Variants in HAO2 observed in about 807,000 individuals in gnomAD.
HAO2 encodes the protein 2-Hydroxyacid oxidase 2.
A neutral mutation model predicts 37.4 loss-of-function variants in HAO2; 42 were observed. The observed-to-expected ratio is 1.12, with a 90% CI of 0.88 to 1.45. The LOEUF (loss-of-function observed/expected upper bound fraction) is 1.45. Ranked by LOEUF, HAO2 falls within the 40% of genes most tolerant of loss-of-function variation. The pLI is 0.00. For synonymous variants in HAO2, 180 were observed against 162.8 expected, an observed-to-expected ratio of 1.11 and a Z score of -0.81; for missense variants, 476 against 430.2, an observed-to-expected ratio of 1.11 and a Z score of -0.94.
chr1:119,374,135 G>A (rs587678754), intron 1 of HAO2, among the ~76,000 whole-genome samples: 1 of 152,256 alleles, frequency 6.6e-6, no homozygotes, highest in South Asian at 2.1e-4. Context: ...CTGTTCCTGG[G>A]CATCCAAATT....
Position 119,384,957 on chromosome 1 carries a change from A to G in HAO2, c.465A>G (p.Ile155Met). The change falls in exon 4 of 8, where the codon ATA becomes ATG. Residue 155 changes from isoleucine to methionine, a missense_variant. By Grantham distance (10) the Ile-to-Met change is conservative. Coordinates refer to ENST00000325945, the MANE Select transcript of HAO2 (RefSeq NM_016527.4). Reference sequence around the variant, plus strand: ...CCCTAGGTTTCAAAGCTTTGGTAATAACTTTGGATACACCTGTATGTGGCA... The same window carrying G: ...CCCTAGGTTTCAAAGCTTTGGTAATGACTTTGGATACACCTGTATGTGGCA... ...VESLGFKALV[I>M]TLDTPVCGNR... 1 of 1,613,946 alleles carries G rather than the reference A, an allele frequency of 6.2e-7. No individual in the cohort carries two copies. The highest frequency in any genetic ancestry group is 8.5e-7 in the Non-Finnish European group (1 of 1,179,844).
intron 1 of HAO2, among the ~76,000 whole-genome samples, chr1:119,371,504 A>T (rs1199555400): frequency 2.6e-5 from 4 of 152,214 alleles, no homozygotes; most frequent in African/African-American, 7.2e-5. Context: ...TATGTCCATG[A>T]CATTTTAATC....
At position 119,394,079 on chromosome 1, in the gene HAO2, A is replaced by AAGAACAATGTGGTTACAAGC; in HGVS notation, c.*239_*240insAGAACAATGTGGTTACAAGC. 1 of 1,305,794 alleles carries AAGAACAATGTGGTTACAAGC rather than the reference A, an allele frequency of 7.7e-7. No homozygotes were observed. The allele number at this position is 1,305,794 out of a possible 1,614,324, so 80.9% of individuals were successfully genotyped here. On this transcript the variant is annotated 3_prime_UTR_variant, in exon 8 of 8. Transcript: ENST00000325945. The stretch of plus-strand genomic sequence containing the variant: ...TATTATATGTTGCTCTCTTGCCTAA[A>AAGAACAATGTGGTTACAAGC]TCTTCCTCTGAAGTAAAAGATCTCA...
chr1:119,380,908 A>C (rs2224995), intron 1 of HAO2, among the ~76,000 whole-genome samples, 170 bp from the exon 2 acceptor site: 100,141 of 152,022 alleles, frequency 0.66, 33,140 homozygotes, highest in East Asian at 0.7. Context: ...TTACTCTCTG[A>C]CTTCTGGCTT....
chr1:119,381,147 C>T lies in HAO2; in HGVS notation c.62C>T (p.Thr21Ile). 1 of 1,610,022 alleles carries T rather than the reference C, an allele frequency of 6.2e-7. No individual in the cohort carries two copies. Among genetic ancestry groups the T allele is most frequent in the Non-Finnish European group, 8.5e-7 (1 of 1,176,216 alleles). Residue 21 changes from threonine to isoleucine, a missense_variant, in exon 2 of 8, where the codon ACT (threonine) becomes ATT (isoleucine). Physicochemically the swap from Thr to Ile is moderately conservative, Grantham distance 89 (BLOSUM62 -1). Transcript: ENST00000325945. ...AHAREQLSKS[T>I]RDFIEGGADD... ...GCGCGAGAGCAGCTGTCTAAGTCAA[C>T]TCGGGATTTTATTGAAGGTGGAGCA... is the stretch of plus-strand genomic sequence containing the variant.
intron 1 of HAO2, among the ~76,000 whole-genome samples, chr1:119,371,611 C>A (rs587654705): frequency 6.6e-6 from 1 of 152,098 alleles, no homozygotes; most frequent in Non-Finnish European, 1.5e-5. Flanking sequence ...CCACTGGAAT[C>A]GTGACACATT....
chr1:119,376,913 C>T (rs917038127), intron 1 of HAO2, among the ~76,000 whole-genome samples: 1 of 152,188 alleles, frequency 6.6e-6, no homozygotes, highest in Non-Finnish European at 1.5e-5. Context: ...ATGGGAGGGT[C>T]TGCAGAGAAG....
intron 1 of HAO2, among the ~76,000 whole-genome samples, chr1:119,374,394 T>C (rs1031949209): frequency 6.6e-6 from 1 of 152,194 alleles, no homozygotes; most frequent in Non-Finnish European, 1.5e-5. Context: ...GGCTATACCC[T>C]TTGTATCCAC....
chr1:119,381,961 A>G (rs1348748097), intron 2 of HAO2, among the ~76,000 whole-genome samples: 1 of 152,206 alleles, frequency 6.6e-6, no homozygotes, highest in Non-Finnish European at 1.5e-5. Flanking sequence ...AATAACTGTG[A>G]CAAAGATTAC....
At chr1:119,381,774 G>C (rs1364786618) in intron 2 of HAO2, among the ~76,000 whole-genome samples, 1 of 152,102 alleles carries the variant, frequency 6.6e-6, no homozygotes, top group African/African-American at 2.4e-5. Flanking sequence ...AGCTAACGAT[G>C]GTTTTTCATT....
chr1:119,392,735 A>G (rs1317471480), intron 7 of HAO2, 48 bp downstream of exon 7: 1 of 1,106,506 alleles, frequency 9.0e-7, no homozygotes, highest in Non-Finnish European at 1.4e-6. Flanking sequence ...CAGGATGGCT[A>G]AAGAATAGGA....
Position 119,381,192 on chromosome 1 carries a change from A to G in HAO2, c.107A>G (p.Asp36Gly). The G allele has an allele frequency of 6.2e-7, 1 of 1,611,810 alleles. No homozygotes were observed. The highest frequency in any genetic ancestry group is 1.3e-5 in the African/African-American group (1 of 74,984). ...EGGADDSITR[D>G]DNIAAFKRIR... is the part of the protein sequence containing the mutation. ...GGAGCAGATGACAGCATCACGCGGG[A>G]TGACAACATTGCAGCATTTAAAAGG... Residue 36 changes from aspartate (D) to glycine (G), a missense_variant, in exon 2 of 8, where the codon GAT (aspartate) becomes GGT (glycine). Physicochemically the swap from Asp to Gly is moderately conservative, Grantham distance 94. Transcript: ENST00000325945.
intron 1 of HAO2, chr1:119,380,649 C>A (rs747170075): frequency 2.7e-6 from 4 of 1,472,714 alleles, no homozygotes; most frequent in East Asian, 2.3e-5. Context: ...AGACAAGAGG[C>A]AGGCATGATC....
chr1:119,389,631 GATT>G (rs1164118958), intron 5 of HAO2, among the ~76,000 whole-genome samples: 1 of 137,696 alleles, frequency 7.3e-6, no homozygotes, highest in Non-Finnish European at 1.5e-5. Context: ...TTTTTGATGA[GATT>G]TTTTTTTTTT....
At chr1:119,385,437 A>G (rs1163367014) in intron 4 of HAO2, 1 of 835,830 alleles carries the variant, frequency 1.2e-6, no homozygotes, top group African/African-American at 1.8e-5. Context: ...TTTGGATGGC[A>G]TACATAGACA....
intron 1 of HAO2, chr1:119,380,748 T>C: frequency 6.6e-7 from 1 of 1,505,960 alleles, no homozygotes; most frequent in Non-Finnish European, 9.2e-7. Context: ...TAAGAATTTT[T>C]TGTAATAAGC....
intron 1 of HAO2, among the ~76,000 whole-genome samples, chr1:119,378,048 A>G (rs931354597): frequency 6.8e-6 from 1 of 147,682 alleles, no homozygotes; most frequent in Admixed American, 6.7e-5. Flanking sequence ...ACATTATAAA[A>G]AGAAAAAAAT....
intron 3 of HAO2, among the ~76,000 whole-genome samples, chr1:119,383,400 G>A (rs908202708): frequency 6.6e-6 from 1 of 152,046 alleles, no homozygotes; most frequent in Non-Finnish European, 1.5e-5. Flanking sequence ...CAGCCCCAAG[G>A]CTAGGGCCCT....
intron 1 of HAO2, among the ~76,000 whole-genome samples, chr1:119,376,558 T>C (rs587691150): frequency 6.6e-6 from 1 of 152,364 alleles, no homozygotes; most frequent in Non-Finnish European, 1.5e-5. Context: ...GGGGACTCTG[T>C]GTGAAGGCTC....
Sources: gnomAD v4.1 joint callset for allele counts (sites outside exome capture counted in the v4.1 genomes callset) on GRCh38, gnomAD v4.1.1 for gene constraint, MANE v1.5 for transcripts, NCBI Gene and HGNC (gene_info 2026-07-23, HGNC 2026-07-21) for gene names.